Variants in SNTG2 observed in about 807,000 individuals in gnomAD.
SNTG2 encodes syntrophin gamma 2, also known as gamma-2-syntrophin.
SNTG2 carries 74 observed loss-of-function variants against 70.9 expected under a neutral mutation model. The ratio of observed to expected loss-of-function variants is 1.04; its 90% CI spans 0.86 to 1.27. The LOEUF is 1.27. Ranked by LOEUF, SNTG2 falls within the 50% of genes most tolerant of loss-of-function variation. SNTG2 has a pLI of 0.00. For synonymous variants in SNTG2, 278 were observed against 273.8 expected (o/e 1.02, Z -0.15); for missense variants, 717 against 690.7 (o/e 1.04, Z -0.43).
At chr2:1,302,368 G>T (rs1474674324) in intron 14 of SNTG2, among the ~76,000 whole-genome samples, 1 of 152,002 alleles carries the variant, frequency 6.6e-6, no homozygotes, top group East Asian at 1.9e-4. Flanking sequence ...TATAAATGGG[G>T]GAGGGAAAAG....
At chr2:1,320,320 G>GTCATGAGATC (rs1372738089) in intron 16 of SNTG2, among the ~76,000 whole-genome samples, 3 of 151,938 alleles carry the variant, frequency 2.0e-5, no homozygotes, top group Non-Finnish European at 4.4e-5. Context: ...GAATCATGAG[G>GTCATGAGATC]TCATGAGATC....
chr2:978,177 G>A (rs1458804651), intron 1 of SNTG2, among the ~76,000 whole-genome samples: 1 of 152,182 alleles, frequency 6.6e-6, no homozygotes, highest in African/African-American at 2.4e-5. Context: ...TGAGGGGCCT[G>A]GAGTGCCCTT....
intron 6 of SNTG2, among the ~76,000 whole-genome samples, chr2:1,146,386 TGAAA>T (rs1326558237): frequency 6.9e-6 from 1 of 143,982 alleles, no homozygotes; most frequent in Non-Finnish European, 1.5e-5. Context: ...ACAAAATTGA[TGAAA>T]GAAATCATAG....
chr2:1,034,435 T>C (rs748701413), intron 1 of SNTG2, among the ~76,000 whole-genome samples: 1 of 152,222 alleles, frequency 6.6e-6, no homozygotes, highest in East Asian at 1.9e-4. Flanking sequence ...ACATCTTTCT[T>C]TATAATAGAA....
At chr2:1,096,312 C>T (rs1665385568) in intron 2 of SNTG2, among the ~76,000 whole-genome samples, 2 of 152,154 alleles carry the variant, frequency 1.3e-5, no homozygotes, top group South Asian at 2.1e-4. Context: ...ACATACATCA[C>T]CTCTTACAGT....
intron 1 of SNTG2, among the ~76,000 whole-genome samples, chr2:1,031,751 A>G (rs1247748921): frequency 1.3e-5 from 2 of 151,786 alleles, no homozygotes; most frequent in East Asian, 3.9e-4. Context: ...TACAACACAG[A>G]TGAAACTTGA....
At chr2:1,181,933 A>G (rs1319059157) in intron 8 of SNTG2, among the ~76,000 whole-genome samples, 3 of 152,180 alleles carry the variant, frequency 2.0e-5, no homozygotes, top group African/African-American at 7.2e-5. Context: ...TCACATTAAT[A>G]TCATGCGTTT....
At chr2:1,296,723 T>C (rs1187599078) in intron 14 of SNTG2, among the ~76,000 whole-genome samples, 1 of 152,212 alleles carries the variant, frequency 6.6e-6, no homozygotes, top group Non-Finnish European at 1.5e-5. Flanking sequence ...AGGAACCTGC[T>C]TCCGGGTCAG....
chr2:1,120,162 T>C (rs1667292688), intron 4 of SNTG2, among the ~76,000 whole-genome samples: 1 of 152,154 alleles, frequency 6.6e-6, no homozygotes, highest in Non-Finnish European at 1.5e-5. Context: ...TTACCTTGGA[T>C]ATTCCAAACA....
At chr2:1,341,620 C>T (rs1033937810) in intron 16 of SNTG2, 2 of 152,298 alleles carry the variant, frequency 1.3e-5, no homozygotes, top group South Asian at 2.1e-4. Context: ...AATGAGATCC[C>T]TGGGGAGGCA....
At chr2:1,192,748 A>G (rs897108510) in intron 8 of SNTG2, among the ~76,000 whole-genome samples, 1 of 152,072 alleles carries the variant, frequency 6.6e-6, no homozygotes, top group African/African-American at 2.4e-5. Context: ...CGTCCCTCCT[A>G]CACCCTCCCC....
intron 6 of SNTG2, chr2:1,160,787 C>T (rs28405115): frequency 0.77 from 116,275 of 151,874 alleles, 45,565 homozygotes; most frequent in Non-Finnish European, 0.86. Context: ...AAGGACACAG[C>T]CAGAAGGCCA....
At position 1,246,203 on chromosome 2, in the gene SNTG2, A is replaced by ATGT. The variant is rs376285982; in HGVS notation, c.889-1123_889-1122insGTT. Among the ~76,000 whole-genome samples the ATGT allele has an allele frequency of 2.2e-3, 330 of 152,330 alleles. 4 individuals are homozygous for ATGT. The highest frequency in any genetic ancestry group is 7.3e-3 in the African/African-American group (303 of 41,582). Reference sequence around the variant, plus strand: ...GTATTCAACACTGAAAACCATGATGATAGCTGTTCGGCTACGCGTCCCCGC... The same window carrying ATGT: ...GTATTCAACACTGAAAACCATGATGATGTTAGCTGTTCGGCTACGCGTCCCCGC... On this transcript the variant is annotated intron_variant, in intron 11 of 16. Transcript: ENST00000308624.
rs149894156 is a variant in SNTG2, at chr2:1,237,940, C to T, written c.772C>T (p.Arg258Trp). 6.7e-4 allele frequency: 1,073 copies of T among 1,607,870 alleles called. 16 individuals are homozygous for T. The East Asian group carries it at 0.022, about 33-fold the overall frequency. ...ALDGVSSGILRFYTAQDGTDW... is the reference protein window; with the variant it reads ...ALDGVSSGILWFYTAQDGTDW... ...GGACGGAGTCAGCTCTGGGATCCTC[C>T]GGTTTTACACAGCCCAGGATGGCAC... Residue 258 changes from arginine to tryptophan, a missense_variant, in exon 10 of 17, where the codon CGG becomes TGG. Arg to Trp is a moderately radical substitution (Grantham distance 101). Transcript: ENST00000308624.
chr2:983,020 G>A lies in SNTG2; in HGVS notation c.72+31952G>A, dbSNP rs566530916. Among the ~76,000 whole-genome samples the A allele has an allele frequency of 7.9e-5, 12 of 152,030 alleles. No individual in the cohort carries two copies. In the South Asian group the frequency reaches 1.9e-3, roughly 24 times the overall value. ...TGGTCAGGATGAAGAAGCTGCAGAG[G>A]TGATGTCAGGATGAAGAAGCTGCAG... On this transcript the variant is annotated intron_variant, in intron 1 of 16. Transcript: ENST00000308624.
intron 8 of SNTG2, among the ~76,000 whole-genome samples, chr2:1,195,172 G>T (rs1672832319): frequency 6.6e-6 from 1 of 152,158 alleles, no homozygotes; most frequent in African/African-American, 2.4e-5. Flanking sequence ...ATTGTGAACA[G>T]TTCCACAATA....
intron 1 of SNTG2, among the ~76,000 whole-genome samples, chr2:981,191 G>A (rs1416522026): frequency 6.6e-6 from 1 of 152,172 alleles, no homozygotes; most frequent in Non-Finnish European, 1.5e-5. Flanking sequence ...GTGTGACTTT[G>A]AGCAAGGGAC....
At chr2:981,910 C>T (rs1445916302) in intron 1 of SNTG2, among the ~76,000 whole-genome samples, 2 of 152,034 alleles carry the variant, frequency 1.3e-5, no homozygotes, top group Non-Finnish European at 2.9e-5. Context: ...CACACACATG[C>T]CCCACACAGA....
chr2:1,167,371 G>A (rs1262741403), intron 7 of SNTG2, among the ~76,000 whole-genome samples: 93 of 95,904 alleles, frequency 9.7e-4, no homozygotes, highest in Admixed American at 1.8e-3. Context: ...GGCCGCCCAC[G>A]GATGGCAGAA....
Sources: allele counts gnomAD v4.1 joint callset (sites outside exome capture counted in the v4.1 genomes callset), GRCh38; gene constraint gnomAD v4.1.1; transcripts MANE v1.5; gene names NCBI Gene and HGNC (gene_info 2026-07-23, HGNC 2026-07-21).